ZNF438: variants seen among roughly 807,000 people sequenced by gnomAD.
The protein encoded by ZNF438 is zinc finger protein 438.
Under a neutral mutation model 38.0 loss-of-function variants are expected in ZNF438, and 25 were observed. The observed-to-expected ratio is 0.66, with a 90% CI of 0.48 to 0.92. The LOEUF is 0.92. Among genes scored for constraint, ZNF438 ranks in the 40% least tolerant of loss-of-function variants. The pLI is 0.00. For synonymous variants in ZNF438, 372 were observed against 364.1 expected, an observed-to-expected ratio of 1.02 and a Z score of -0.25; for missense variants, 1,007 against 999.6, an observed-to-expected ratio of 1.01 and a Z score of -0.10.
At chr10:31,018,367 C>G (rs1250159586) in intron 1 of ZNF438, among the ~76,000 whole-genome samples, 1 of 152,168 alleles carries the variant, frequency 6.6e-6, no homozygotes, top group African/African-American at 2.4e-5. Context: ...TAGTTACTGG[C>G]AAGGACGAAT....
intron 4 of ZNF438, among the ~76,000 whole-genome samples, chr10:30,872,095 A>G (rs2037501948): frequency 6.6e-6 from 1 of 152,138 alleles, no homozygotes; most frequent in African/African-American, 2.4e-5. Context: ...CTGACAAGTG[A>G]CTAAGAATTG....
At chr10:30,951,585 A>G (rs1042328329) in intron 1 of ZNF438, among the ~76,000 whole-genome samples, 1 of 152,206 alleles carries the variant, frequency 6.6e-6, no homozygotes, top group African/African-American at 2.4e-5. Flanking sequence ...AAAAATCACA[A>G]GCATTCTTAT....
upstream of ZNF438, chr10:31,032,071 A>C (rs2057332559): frequency 1.3e-5 from 2 of 152,186 alleles, no homozygotes; most frequent in Admixed American, 1.3e-4. Flanking sequence ...GGCTTCGCCG[A>C]CCGGGGCGCC....
chr10:30,935,056 T>C (rs946890858), intron 2 of ZNF438, among the ~76,000 whole-genome samples: 2 of 152,228 alleles, frequency 1.3e-5, no homozygotes, highest in Non-Finnish European at 2.9e-5. Context: ...GAATTAAACA[T>C]CTCTGAAAGT....
At chr10:30,929,172 C>G (rs751443921) in intron 2 of ZNF438, among the ~76,000 whole-genome samples, 1 of 152,206 alleles carries the variant, frequency 6.6e-6, no homozygotes, top group South Asian at 2.1e-4. Context: ...GTGGGCAGAT[C>G]ACAAGGTCGG....
At chr10:30,851,461 A>T (rs2033613784) in intron 4 of ZNF438, among the ~76,000 whole-genome samples, 1 of 152,276 alleles carries the variant, frequency 6.6e-6, no homozygotes, top group Non-Finnish European at 1.5e-5. Context: ...ACATTATTCC[A>T]ATCATTATCC....
At chr10:30,995,693 T>C (rs577009547) in intron 1 of ZNF438, among the ~76,000 whole-genome samples, 7 of 152,318 alleles carry the variant, frequency 4.6e-5, no homozygotes, top group African/African-American at 1.7e-4. Context: ...AATTTAATTA[T>C]TGGGCTAACA....
intron 1 of ZNF438, among the ~76,000 whole-genome samples, chr10:30,949,592 GT>G (rs1256111157): frequency 6.6e-6 from 1 of 152,134 alleles, no homozygotes; most frequent in Non-Finnish European, 1.5e-5. Context: ...AAAGGCAGGG[GT>G]TGTAATACTA....
chr10:30,872,794 CA>C (rs1278013721), intron 4 of ZNF438, among the ~76,000 whole-genome samples: 1 of 150,118 alleles, frequency 6.7e-6, no homozygotes, highest in African/African-American at 2.4e-5. Flanking sequence ...AACAGACTCT[CA>C]CTTGACTTAA....
intron 1 of ZNF438, among the ~76,000 whole-genome samples, chr10:31,026,568 G>A (rs528683324): frequency 2.3e-3 from 347 of 152,258 alleles, no homozygotes; most frequent in South Asian, 4.4e-3. Context: ...TTAGATTGGC[G>A]ATCATTAAAA....
At chr10:30,974,987 T>C (rs1367886635) in intron 1 of ZNF438, among the ~76,000 whole-genome samples, 2 of 152,178 alleles carry the variant, frequency 1.3e-5, no homozygotes, top group Non-Finnish European at 2.9e-5. Context: ...CTGATAATCC[T>C]GGAGAGGCTG....
intron 1 of ZNF438, among the ~76,000 whole-genome samples, chr10:30,952,098 C>A (rs867257237): frequency 0.035 from 5,228 of 151,244 alleles, 299 homozygotes; most frequent in African/African-American, 0.12. Flanking sequence ...ATAACGCTGC[C>A]TATCTACAAC....
At chr10:30,857,545 C>A in intron 4 of ZNF438, 1 of 654,230 alleles carries the variant, frequency 1.5e-6, no homozygotes, top group Non-Finnish European at 2.5e-6. Flanking sequence ...ATGAGCCACC[C>A]CATCTGGCCT....
Position 31,003,093 on chromosome 10 carries a change from G to A in ZNF438, c.-192+28740C>T, listed in dbSNP as rs1205178639. On this transcript the variant is annotated intron_variant, in intron 1 of 5. Coordinates refer to ENST00000413025, the Ensembl canonical transcript of ZNF438. ...ACTCCCATGGGGAGTCTGGAAATGTGGGGAGGCATTTTTTAGATGTCACAA... is the reference window on the plus strand; with the variant it reads ...ACTCCCATGGGGAGTCTGGAAATGTAGGGAGGCATTTTTTAGATGTCACAA... Among the ~76,000 whole-genome samples the A allele has an allele frequency of 5.3e-5, 8 of 152,206 alleles. No homozygotes were observed. The East Asian group carries it at 1.5e-3, about 29-fold the overall frequency.
intron 2 of ZNF438, among the ~76,000 whole-genome samples, chr10:30,914,805 G>A (rs1429446305): frequency 6.6e-6 from 1 of 151,732 alleles, no homozygotes; most frequent in East Asian, 1.9e-4. Context: ...AATGTCTTGA[G>A]GTTGTAATGA....
chr10:30,852,024 A>T (rs1309119754), intron 4 of ZNF438, among the ~76,000 whole-genome samples: 1 of 151,886 alleles, frequency 6.6e-6, no homozygotes, highest in East Asian at 2.0e-4. Context: ...TTAGCCAGGC[A>T]TGGTGGCAGA....
chr10:30,869,778 CTTG>C (rs2037092955), intron 4 of ZNF438, among the ~76,000 whole-genome samples: 1 of 152,170 alleles, frequency 6.6e-6, no homozygotes, highest in Admixed American at 6.5e-5. Context: ...ATTTACACCA[CTTG>C]TTAAGATCAA....
chr10:30,970,937 A>G (rs556176505), intron 1 of ZNF438, among the ~76,000 whole-genome samples: 17 of 152,316 alleles, frequency 1.1e-4, no homozygotes, highest in Middle Eastern at 6.8e-3. Context: ...TTGAGCAAGA[A>G]TCATCCTCAT....
At chr10:30,883,759 TATC>T (rs1454435093) in intron 3 of ZNF438, among the ~76,000 whole-genome samples, 8 of 152,076 alleles carry the variant, frequency 5.3e-5, no homozygotes, top group Admixed American at 5.2e-4. Flanking sequence ...GCCAGGTGCG[TATC>T]CATAGTCCAG....
Sources: allele counts gnomAD v4.1 joint callset (sites outside exome capture counted in the v4.1 genomes callset), GRCh38; gene constraint gnomAD v4.1.1; transcripts MANE v1.5; gene names NCBI Gene and HGNC (gene_info 2026-07-23, HGNC 2026-07-21).